The following ECPAS variants were observed in gnomAD, a reference collection of about 807,000 sequenced individuals.
ECPAS encodes proteasome adapter and scaffold protein ECM29.
A neutral mutation model predicts 255.1 loss-of-function variants in ECPAS; 70 were observed. The observed-to-expected ratio is 0.27, with a 90% CI of 0.23 to 0.33. The LOEUF is 0.33. ECPAS is among the 10% of genes least tolerant of loss of function. The pLI is 1.00. For synonymous variants in ECPAS, 784 were observed against 775.0 expected, an observed-to-expected ratio of 1.01 and a Z score of -0.19; for missense variants, 1,817 against 2,206.4, an observed-to-expected ratio of 0.82 and a Z score of 3.54.
chr9:111,374,432 G>C (rs1391197202), intron 38 of ECPAS, among the ~76,000 whole-genome samples: 1 of 152,056 alleles, frequency 6.6e-6, no homozygotes, highest in Non-Finnish European at 1.5e-5. Context: ...GATGTTCCTT[G>C]ATGGAGTAAA....
At chr9:111,454,862 C>A (rs561355604) in intron 2 of ECPAS, among the ~76,000 whole-genome samples, 5 of 152,190 alleles carry the variant, frequency 3.3e-5, no homozygotes, top group Admixed American at 3.3e-4. Context: ...CGCCACCACA[C>A]CCAGCTGATT....
chr9:111,364,061 G>A (rs976116604), intron 48 of ECPAS, among the ~76,000 whole-genome samples: 1 of 152,122 alleles, frequency 6.6e-6, no homozygotes, highest in Admixed American at 6.6e-5. Context: ...TGTTTAAGCC[G>A]ATCAGGGACA....
At position 111,433,260 on chromosome 9, in the gene ECPAS, G is replaced by A. The variant is rs778540292; in HGVS notation, c.821C>T (p.Ala274Val). The change falls in exon 8 of 50, where the codon GCA (alanine) becomes GTA (valine). Residue 274 changes from alanine to valine, a missense_variant. By Grantham distance (64) the Ala-to-Val change is moderately conservative. Coordinates refer to ENST00000684092, the MANE Select transcript of ECPAS (RefSeq NM_001364929.1). The stretch of plus-strand genomic sequence containing the variant: ...CTGTTTGCTTTTCAATTCCAGGTCT[G>A]CTGCCGTTGCCACACTGTGGCGTGT... ...SDTRHSVATA[A>V]DLELKSKQSL... is the part of the protein sequence containing the mutation. 1.9e-6 allele frequency: 3 copies of A among 1,613,946 alleles called. No individual in the cohort carries two copies. In the South Asian group the frequency reaches 3.3e-5, roughly 18 times the overall value.
chr9:111,450,332 G>A (rs1163998963), intron 3 of ECPAS, among the ~76,000 whole-genome samples: 1 of 152,200 alleles, frequency 6.6e-6, no homozygotes, highest in East Asian at 1.9e-4. Context: ...GTCTATCTCA[G>A]CAAAGAAGGA....
intron 8 of ECPAS, among the ~76,000 whole-genome samples, chr9:111,431,971 AAAAC>A (rs1341611287): frequency 1.3e-5 from 2 of 152,234 alleles, no homozygotes; most frequent in South Asian, 2.1e-4. Context: ...GATTTCAGAC[AAAAC>A]AAACACTTTA....
Position 111,372,529 on chromosome 9 carries a change from C to T in ECPAS, c.4428G>A (p.Leu1476=). The change falls in exon 42 of 50, where the codon CTG becomes CTA. Residue 1476 remains leucine, a synonymous_variant. Coordinates refer to ENST00000684092, the MANE Select transcript of ECPAS (RefSeq NM_001364929.1). The part of the protein sequence containing the change: ...DVLKNHAKEV[L]PLAFLGMHEI... The stretch of plus-strand genomic sequence containing the variant: ...CATGCATGCCTAAAAATGCCAGAGG[C>T]AGGACTTCTTTTGCATGATTCTTTA... The T allele has an allele frequency of 1.9e-6, 3 of 1,613,848 alleles. No homozygotes were observed. In the Middle Eastern group the frequency reaches 4.9e-4, roughly 266 times the overall value.
chr9:111,416,862 G>C (rs1023929976), intron 17 of ECPAS, among the ~76,000 whole-genome samples: 5 of 152,146 alleles, frequency 3.3e-5, no homozygotes, highest in African/African-American at 1.2e-4. Context: ...GGAGGGGGTG[G>C]ATGGTCATTA....
Position 111,421,470 on chromosome 9 carries a change from C to T in ECPAS, c.1455+451G>A, listed in dbSNP as rs554795837. ...GTGTGTATCTACAGATATTCAAAAT[C>T]CTCCTACAAATTCCCATGAAAACCA... On this transcript the variant is annotated intron_variant, in intron 15 of 49. Transcript: ENST00000684092. 1.1e-4 allele frequency among the ~76,000 whole-genome samples: 17 copies of T among 148,444 alleles called. 1 individual carries two copies. In the South Asian group the frequency reaches 3.3e-3, roughly 29 times the overall value.
intron 1 of ECPAS, 130 bp downstream of exon 1, chr9:111,483,986 T>C (rs865815795): frequency 1.0e-6 from 1 of 996,260 alleles, no homozygotes; most frequent in East Asian, 1.1e-4. Flanking sequence ...CCTGCCCACC[T>C]GTCGCCGCCC....
chr9:111,483,468 C>T, intron 1 of ECPAS: 3 of 974,084 alleles, frequency 3.1e-6, no homozygotes, highest in Non-Finnish European at 3.6e-6. Flanking sequence ...GGCGCCCGTT[C>T]CGGCTCGCGG....
At chr9:111,403,192 A>G (rs982326421) in intron 24 of ECPAS, among the ~76,000 whole-genome samples, 4 of 67,110 alleles carry the variant, frequency 6.0e-5, no homozygotes, top group South Asian at 8.4e-4. Flanking sequence ...ATCTCTACTG[A>G]AAAAAAAAAA....
Position 111,420,034 on chromosome 9 carries a change from T to A in ECPAS, c.1542A>T (p.Leu514=). 1 of 1,611,408 alleles carries A rather than the reference T, an allele frequency of 6.2e-7. No homozygotes were observed. Among genetic ancestry groups the A allele is most frequent in the Non-Finnish European group, 8.5e-7 (1 of 1,178,006 alleles). The change falls in exon 16 of 50, where the codon CTA becomes CTT. Residue 514 remains leucine (L), a synonymous_variant. Coordinates refer to ENST00000684092, the MANE Select transcript of ECPAS (RefSeq NM_001364929.1). ...SDHIPSRYLL[L]LAAGDPREEV... ...AAACTTACGGATCTCCTGCAGCCAG[T>A]AGCAGCAAATATCTGGAAGGGATAT...
rs140932925 is a variant in ECPAS, at chr9:111,479,836, G to A, written c.-83+4280C>T. On this transcript the variant is annotated intron_variant, in intron 1 of 49. Transcript: ENST00000684092. Reference sequence around the variant, plus strand: ...TCTACTAAAAATGCAAAAATTAGCTGGGCGCAGTGACAGGTGCCTGTAATC... The same window carrying A: ...TCTACTAAAAATGCAAAAATTAGCTAGGCGCAGTGACAGGTGCCTGTAATC... Among the ~76,000 whole-genome samples, 189 of 151,894 alleles carry A rather than the reference G, an allele frequency of 1.2e-3. 3 individuals are homozygous for A. The highest frequency in any genetic ancestry group is 4.4e-3 in the African/African-American group (183 of 41,452).
intron 35 of ECPAS, among the ~76,000 whole-genome samples, chr9:111,380,876 T>C (rs914972651): frequency 6.6e-6 from 1 of 152,354 alleles, no homozygotes; most frequent in East Asian, 1.9e-4. Context: ...TTACTTCTCT[T>C]AGACTTCACA....
chr9:111,470,945 A>G (rs1401889527), intron 2 of ECPAS, among the ~76,000 whole-genome samples: 1 of 152,114 alleles, frequency 6.6e-6, no homozygotes, highest in East Asian at 1.9e-4. Flanking sequence ...ACTCAGTTAG[A>G]AATCGGTTTT....
At chr9:111,482,921 A>C (rs756579490) in intron 1 of ECPAS, among the ~76,000 whole-genome samples, 1 of 152,254 alleles carries the variant, frequency 6.6e-6, no homozygotes, top group East Asian at 1.9e-4. Flanking sequence ...TCGAGGGGGC[A>C]CTAACTCTCC....
chr9:111,457,625 T>C (rs2098268479), intron 2 of ECPAS, among the ~76,000 whole-genome samples: 1 of 152,132 alleles, frequency 6.6e-6, no homozygotes, highest in South Asian at 2.1e-4. Flanking sequence ...TCTTCTGAGA[T>C]TTGGAGAGCA....
rs2098113540 is a variant in ECPAS at position 111,361,758 on chromosome 9, A to T, written c.*272T>A. 1 of 267,738 alleles carries T rather than the reference A, an allele frequency of 3.7e-6. No homozygotes were observed. Among genetic ancestry groups the T allele is most frequent in the African/African-American group, 2.2e-5 (1 of 45,204 alleles). The allele number at this position is 267,738 out of a possible 1,614,324, so 16.6% of individuals were successfully genotyped here. ...ATTAATTCCTTTAATAACAGCTTGA[A>T]CTCTTTTAGTAACTATTTCTGCCAG... On this transcript the variant is annotated 3_prime_UTR_variant, in exon 50 of 50. Transcript: ENST00000684092.
intron 37 of ECPAS, among the ~76,000 whole-genome samples, chr9:111,375,880 C>A (rs1564500439): frequency 6.6e-6 from 1 of 152,104 alleles, no homozygotes; most frequent in African/African-American, 2.4e-5. Context: ...CAGAGTCCTG[C>A]TAAAGGTACA....
Sources: gnomAD v4.1 joint callset for allele counts (sites outside exome capture counted in the v4.1 genomes callset) on GRCh38, gnomAD v4.1.1 for gene constraint, MANE v1.5 for transcripts, NCBI Gene and HGNC (gene_info 2026-07-23, HGNC 2026-07-21) for gene names.